CACNA1C: variants seen among roughly 807,000 people sequenced by gnomAD.
CACNA1C encodes the protein calcium voltage-gated channel subunit alpha1 C.
CACNA1C carries 30 observed loss-of-function variants against 229.0 expected under a neutral mutation model. The ratio of observed to expected loss-of-function variants is 0.13; its 90% CI spans 0.10 to 0.18. The LOEUF (loss-of-function observed/expected upper bound fraction) is 0.18. CACNA1C is among the 10% of genes least tolerant of loss of function. The probability of loss-of-function intolerance (pLI) is 1.00; values close to 1 mark genes in which losing one functional copy is unlikely to be tolerated. For missense variants in CACNA1C, 1,658 were observed against 2,845.0 expected, an observed-to-expected ratio of 0.58 and a Z score of 9.49; for synonymous variants, 1,114 against 1,132.5, an observed-to-expected ratio of 0.98 and a Z score of 0.33.
intron 1 of CACNA1C, among the ~76,000 whole-genome samples, chr12:2,114,260 G>C (rs1241261590): frequency 1.3e-5 from 2 of 152,168 alleles, no homozygotes; most frequent in Non-Finnish European, 2.9e-5. Flanking sequence ...TGGCCTCTCT[G>C]TTGAGGCTAG....
intron 3 of CACNA1C, among the ~76,000 whole-genome samples, chr12:2,210,858 T>C (rs192059760): frequency 6.6e-6 from 1 of 151,712 alleles, no homozygotes; most frequent in Non-Finnish European, 1.5e-5. Context: ...CAGTATCATC[T>C]CCTCTCTGGT....
At chr12:2,060,232 G>A (rs1305367058) in intron 1 of CACNA1C, among the ~76,000 whole-genome samples, 1 of 152,138 alleles carries the variant, frequency 6.6e-6, no homozygotes, top group African/African-American at 2.4e-5. Flanking sequence ...CTGTGCTGTG[G>A]GACTTCCCTG....
chr12:2,322,460 G>A (rs1298187704), intron 3 of CACNA1C, among the ~76,000 whole-genome samples: 1 of 152,212 alleles, frequency 6.6e-6, no homozygotes, highest in Non-Finnish European at 1.5e-5. Context: ...GCCCGGGCAT[G>A]TGTGGCGCTG....
At chr12:2,347,240 C>T (rs1029420716) in intron 3 of CACNA1C, among the ~76,000 whole-genome samples, 12 of 152,218 alleles carry the variant, frequency 7.9e-5, no homozygotes, top group African/African-American at 2.2e-4. Context: ...ACGAACACTG[C>T]ACTTTCCCCA....
intron 1 of CACNA1C, among the ~76,000 whole-genome samples, chr12:2,087,291 C>G (rs2068069942): frequency 6.6e-6 from 1 of 152,204 alleles, no homozygotes; most frequent in African/African-American, 2.4e-5. Context: ...CCATCCCATT[C>G]CAAGTCCTGG....
At position 2,045,689 on chromosome 12, in the gene CACNA1C, G is replaced by A. The variant is rs560684361; in HGVS notation, c.140-69535G>A. On this transcript the variant is annotated intron_variant, in intron 1 of 46. Transcript: ENST00000682462. ...GAGGTTGCTAAAGTTTCAGGAATTA[G>A]CAAATGTTGGACTTGAGATTCAAGT... Among the ~76,000 whole-genome samples the A allele has an allele frequency of 3.9e-5, 6 of 152,158 alleles. No individual in the cohort carries two copies. The South Asian group carries it at 1.0e-3, about 26-fold the overall frequency.
rs75327456 is a variant in CACNA1C at position 2,357,709 on chromosome 12, A to C, written c.478-91267A>C. ...GAATCGGCCAGGCACAGTGGTTCAC[A>C]CCTGTAATCCCAGCACTTTGGGAGG... On this transcript the variant is annotated intron_variant, in intron 3 of 46. Coordinates refer to ENST00000399655, the MANE Select transcript of CACNA1C (RefSeq NM_000719.7). 8.1e-4 allele frequency among the ~76,000 whole-genome samples: 121 copies of C among 149,900 alleles called. 1 individual carries two copies. The East Asian group carries it at 0.021, about 26-fold the overall frequency.
At chr12:1,997,855 G>A in intron 1 of CACNA1C, 2 of 1,119,356 alleles carry the variant, frequency 1.8e-6, no homozygotes, top group Non-Finnish European at 2.6e-6. Context: ...AAAACTGCAT[G>A]CACTTGAAGA....
intron 3 of CACNA1C, among the ~76,000 whole-genome samples, chr12:2,416,537 A>T (rs1481373048): frequency 1.3e-5 from 2 of 152,188 alleles, no homozygotes; most frequent in Non-Finnish European, 2.9e-5. Flanking sequence ...TGCTTAAGGA[A>T]TTTGTCCCAG....
intron 3 of CACNA1C, among the ~76,000 whole-genome samples, chr12:2,203,649 AAG>A (rs200978119): frequency 1.3e-5 from 2 of 152,076 alleles, no homozygotes; most frequent in African/African-American, 2.4e-5. Context: ...AATGTAGGGA[AAG>A]AGAGCACCAG....
chr12:2,458,894 G>A (rs1218631643), intron 5 of CACNA1C, among the ~76,000 whole-genome samples: 2 of 151,860 alleles, frequency 1.3e-5, no homozygotes, highest in African/African-American at 4.8e-5. Context: ...CTGATTTCTA[G>A]ACCAGCTCTT....
chr12:2,529,525 G>A (rs1378442010), intron 9 of CACNA1C, among the ~76,000 whole-genome samples: 1 of 152,226 alleles, frequency 6.6e-6, no homozygotes, highest in Non-Finnish European at 1.5e-5. Context: ...GGGGATAAAA[G>A]TAGGGTCTTG....
intron 18 of CACNA1C, among the ~76,000 whole-genome samples, chr12:2,588,142 G>A (rs945789221): frequency 4.2e-4 from 64 of 152,298 alleles, no homozygotes; most frequent in African/African-American, 1.3e-3. Context: ...AGACTCCTCC[G>A]AAGATCACGT....
chr12:2,395,163 C>A (rs2098548738), intron 3 of CACNA1C, among the ~76,000 whole-genome samples: 1 of 151,090 alleles, frequency 6.6e-6, no homozygotes, highest in Non-Finnish European at 1.5e-5. Context: ...GGACTACAGG[C>A]AGGAAGCACT....
chr12:2,165,567 C>A (rs185248401), intron 3 of CACNA1C, among the ~76,000 whole-genome samples: 64 of 151,958 alleles, frequency 4.2e-4, no homozygotes, highest in African/African-American at 1.5e-3. Flanking sequence ...CTCAATCTTA[C>A]CAACTAAAAG....
chr12:1,972,980 C>T (rs1291965464), intron 1 of CACNA1C, among the ~76,000 whole-genome samples: 9 of 152,208 alleles, frequency 5.9e-5, no homozygotes, highest in Admixed American at 2.6e-4. Flanking sequence ...ACACAGGCTG[C>T]GTTTGGCCGG....
In CACNA1C at chr12:2,053,352, A is replaced by G. The variant is rs1440942398; in HGVS notation, c.-211A>G. On this transcript the variant is annotated 5_prime_UTR_variant, in exon 1 of 47. Transcript: ENST00000399655. This position sits in a 1 kb window ranked among gnomAD's most constrained non-coding sequence, Gnocchi z 5.8. Reference sequence around the variant, plus strand: ...TTACAGTTTCACTCGAGGAGGCAGTAGTGGAAAGGAGCAGTTTTTGGGGTT... The same window carrying G: ...TTACAGTTTCACTCGAGGAGGCAGTGGTGGAAAGGAGCAGTTTTTGGGGTT... The G allele has an allele frequency of 4.5e-6, 6 of 1,334,356 alleles. No homozygotes were observed. Among genetic ancestry groups the G allele is most frequent in the Non-Finnish European group, 5.8e-6 (6 of 1,040,924 alleles). The allele number at this position is 1,334,356 out of a possible 1,614,324, so 82.7% of individuals were successfully genotyped here.
In CACNA1C at chr12:2,450,533, A is replaced by C. The variant is rs12227433; in HGVS notation, c.617+1418A>C. Among the ~76,000 whole-genome samples the C allele has an allele frequency of 1.1e-4, 14 of 132,530 alleles. No homozygotes were observed. In the South Asian group the frequency reaches 3.4e-3, roughly 32 times the overall value. The allele number at this position is 132,530 out of a possible 152,430, so 86.9% of individuals were successfully genotyped here. On this transcript the variant is annotated intron_variant, in intron 4 of 46. Coordinates refer to ENST00000399655, the MANE Select transcript of CACNA1C (RefSeq NM_000719.7). ...CATGCCACTGCACTCCAGCCTGGGC[A>C]ACAGAGCGAGACTCCATCTCAAAAA...
At position 2,431,717 on chromosome 12, in the gene CACNA1C, G is replaced by A. The variant is rs568949107; in HGVS notation, c.478-17259G>A. On this transcript the variant is annotated intron_variant, in intron 3 of 46. Transcript: ENST00000399655. ...GCAAGAACTAGGGGTCAAGGGTTTG[G>A]CCTGTATGAGAGGGATTCAGGCCCA... Among the ~76,000 whole-genome samples the A allele has an allele frequency of 2.6e-5, 4 of 152,294 alleles. No individual in the cohort carries two copies. In the East Asian group the frequency reaches 7.7e-4, roughly 29 times the overall value.
Sources: allele counts gnomAD v4.1 joint callset (sites outside exome capture counted in the v4.1 genomes callset), GRCh38; gene constraint gnomAD v4.1.1; non-coding constraint Gnocchi (gnomAD v3.1); transcripts MANE v1.5; gene names NCBI Gene and HGNC (gene_info 2026-07-23, HGNC 2026-07-21).